The following KCNT2 variants were observed in gnomAD, a reference collection of about 807,000 sequenced individuals.
KCNT2 encodes potassium sodium-activated channel subfamily T member 2.
A neutral mutation model predicts 153.8 loss-of-function variants in KCNT2; 67 were observed. That is an observed-to-expected ratio of 0.44 (90% CI 0.36 to 0.53). The LOEUF (loss-of-function observed/expected upper bound fraction) is 0.53, where lower values mean the gene tolerates loss of function less well. Ranked by LOEUF, KCNT2 falls within the 20% of genes least tolerant of loss-of-function variation. The pLI, the probability that KCNT2 is intolerant of heterozygous loss-of-function variation, is 0.00. For missense variants in KCNT2, 975 were observed against 1,354.8 expected, an observed-to-expected ratio of 0.72 and a Z score of 4.40; for synonymous variants, 500 against 458.8, an observed-to-expected ratio of 1.09 and a Z score of -1.15.
intron 21 of KCNT2, among the ~76,000 whole-genome samples, chr1:196,311,772 A>G (rs1662207638): frequency 6.6e-6 from 1 of 151,666 alleles, no homozygotes; most frequent in Admixed American, 6.6e-5. Flanking sequence ...GGCTAAGATG[A>G]GACACTAAAT....
chr1:196,331,922 G>C (rs553267427), intron 17 of KCNT2, among the ~76,000 whole-genome samples: 1 of 151,970 alleles, frequency 6.6e-6, no homozygotes, highest in African/African-American at 2.4e-5. Context: ...AATTTAGCTT[G>C]CTGACTTTTA....
intron 8 of KCNT2, among the ~76,000 whole-genome samples, chr1:196,462,803 A>G (rs1677267073): frequency 6.6e-6 from 1 of 151,752 alleles, no homozygotes; most frequent in Non-Finnish European, 1.5e-5. Context: ...GTGGACTTTT[A>G]TCACTTAGTA....
chr1:196,274,422 A>C (rs1474578200), intron 25 of KCNT2, among the ~76,000 whole-genome samples: 1 of 151,650 alleles, frequency 6.6e-6, no homozygotes, highest in African/African-American at 2.4e-5. Flanking sequence ...TCTTGAAACT[A>C]TTTCAGGATT....
intron 22 of KCNT2, among the ~76,000 whole-genome samples, chr1:196,297,895 A>T (rs892934586): frequency 2.0e-5 from 3 of 152,178 alleles, no homozygotes; most frequent in Admixed American, 1.3e-4. Flanking sequence ...TATGTGGTTT[A>T]TTCAATGTTG....
chr1:196,458,287 A>G (rs1194234514), intron 8 of KCNT2, among the ~76,000 whole-genome samples: 1 of 151,880 alleles, frequency 6.6e-6, no homozygotes, highest in Non-Finnish European at 1.5e-5. Context: ...GTAAGACTTC[A>G]ATATTAATTA....
At chr1:196,376,904 C>T (rs572443666) in intron 13 of KCNT2, among the ~76,000 whole-genome samples, 1 of 151,900 alleles carries the variant, frequency 6.6e-6, no homozygotes, top group Non-Finnish European at 1.5e-5. Flanking sequence ...TAATAATGTG[C>T]CATGACATTC....
chr1:196,364,838 A>G (rs940148745), intron 14 of KCNT2, among the ~76,000 whole-genome samples: 1 of 152,146 alleles, frequency 6.6e-6, no homozygotes, highest in Non-Finnish European at 1.5e-5. Context: ...TTGTTTGTGA[A>G]AATAACATAC....
chr1:196,601,871 A>G (rs966741054), intron 1 of KCNT2, among the ~76,000 whole-genome samples: 14 of 152,304 alleles, frequency 9.2e-5, no homozygotes, highest in African/African-American at 3.4e-4. Context: ...CCTAATTTCA[A>G]AAAGAAGTTG....
In KCNT2 at chr1:196,405,164, A is replaced by AT. The variant is rs537279673; in HGVS notation, c.1186-6494dup. Among the ~76,000 whole-genome samples the AT allele has an allele frequency of 9.4e-3, 1,391 of 147,774 alleles. 5 individuals are homozygous for AT. Among genetic ancestry groups the AT allele is most frequent in the Non-Finnish European group, 0.014 (918 of 66,354 alleles). The stretch of plus-strand genomic sequence containing the variant: ...TAACAAAGAAACAAGATTTCACTTC[A>AT]TTTTTTTTTTTCTAAAAGCAGAAGA... On this transcript the variant is annotated intron_variant, in intron 12 of 27. Coordinates refer to ENST00000294725, the MANE Select transcript of KCNT2 (RefSeq NM_198503.5).
chr1:196,431,728 T>C (rs1188449558), intron 8 of KCNT2, among the ~76,000 whole-genome samples: 15 of 151,986 alleles, frequency 9.9e-5, no homozygotes, highest in Non-Finnish European at 1.8e-4. Context: ...TTTAGTAAAA[T>C]GTCAGAAGAG....
chr1:196,541,615 G>A (rs6428345), intron 1 of KCNT2, among the ~76,000 whole-genome samples: 149,659 of 152,234 alleles, frequency 0.98, 73,607 homozygotes, highest in Middle Eastern at 1. Flanking sequence ...CAGAGACTAA[G>A]ATATTTACTA....
At chr1:196,346,644 T>C (rs1397283771) in intron 14 of KCNT2, among the ~76,000 whole-genome samples, 2 of 152,178 alleles carry the variant, frequency 1.3e-5, no homozygotes, top group Non-Finnish European at 2.9e-5. Context: ...TTTTATCATA[T>C]AAAATCAGCT....
chr1:196,528,589 T>C (rs1230263021), intron 1 of KCNT2, among the ~76,000 whole-genome samples: 2 of 152,158 alleles, frequency 1.3e-5, no homozygotes, highest in East Asian at 3.9e-4. Flanking sequence ...CCATTTACTT[T>C]AGCATGGTCC....
chr1:196,537,334 T>C (rs1056379665), intron 1 of KCNT2, among the ~76,000 whole-genome samples: 9 of 152,318 alleles, frequency 5.9e-5, no homozygotes, highest in African/African-American at 1.9e-4. Flanking sequence ...TTCCTTGCTT[T>C]CTGGAAAAGA....
intron 21 of KCNT2, among the ~76,000 whole-genome samples, chr1:196,312,434 T>C (rs1393206369): frequency 6.6e-6 from 1 of 151,612 alleles, no homozygotes; most frequent in Non-Finnish European, 1.5e-5. Context: ...ATAAAACTCA[T>C]CATGAGAGAA....
chr1:196,405,002 C>T (rs576359915), intron 12 of KCNT2, among the ~76,000 whole-genome samples: 104 of 151,382 alleles, frequency 6.9e-4, no homozygotes, highest in East Asian at 1.2e-3. Flanking sequence ...ATATTTTATG[C>T]CCTCACAAAA....
At chr1:196,310,444 T>C (rs951931746) in intron 21 of KCNT2, among the ~76,000 whole-genome samples, 1 of 151,928 alleles carries the variant, frequency 6.6e-6, no homozygotes, top group Admixed American at 6.6e-5. Flanking sequence ...GAATCCTCTG[T>C]ATTCAAAAAT....
At chr1:196,602,032 T>TA (rs1473806939) in intron 1 of KCNT2, among the ~76,000 whole-genome samples, 14 of 151,846 alleles carry the variant, frequency 9.2e-5, no homozygotes, top group South Asian at 2.1e-4. Context: ...TATGACCCAT[T>TA]AAAAAAAATC....
chr1:196,433,913 A>G (rs1214754925), intron 8 of KCNT2, among the ~76,000 whole-genome samples: 3 of 152,112 alleles, frequency 2.0e-5, no homozygotes, highest in Non-Finnish European at 2.9e-5. Flanking sequence ...AAAGGAAGAT[A>G]CATGTCATCA....
Sources: allele counts gnomAD v4.1 joint callset (sites outside exome capture counted in the v4.1 genomes callset), GRCh38; gene constraint gnomAD v4.1.1; transcripts MANE v1.5; gene names NCBI Gene and HGNC (gene_info 2026-07-23, HGNC 2026-07-21).